CD226: variants seen among roughly 807,000 people sequenced by gnomAD.
CD226 encodes the protein CD226 molecule.
Under a neutral mutation model 34.9 loss-of-function variants are expected in CD226, and 24 were observed. The observed-to-expected ratio is 0.69, with a 90% CI of 0.50 to 0.97. The LOEUF is 0.97. Among genes scored for constraint, CD226 ranks in the 50% least tolerant of loss-of-function variants. The pLI is 0.00. For synonymous variants in CD226, 148 were observed against 147.4 expected (o/e 1.00, Z -0.03); for missense variants, 397 against 412.7 (o/e 0.96, Z 0.33).
At chr18:69,889,425 A>C (rs2145226455) in intron 3 of CD226, among the ~76,000 whole-genome samples, 1 of 152,206 alleles carries the variant, frequency 6.6e-6, no homozygotes, top group Non-Finnish European at 1.5e-5. Context: ...CATGTCCACA[A>C]GCTTTATATC....
chr18:69,936,485 C>A (rs531336230), intron 2 of CD226, among the ~76,000 whole-genome samples: 1 of 152,278 alleles, frequency 6.6e-6, no homozygotes, highest in African/African-American at 2.4e-5. Context: ...TCTTTATATA[C>A]TATTTTATTT....
intron 3 of CD226, among the ~76,000 whole-genome samples, chr18:69,890,916 A>C (rs1322548698): frequency 6.6e-6 from 1 of 152,010 alleles, no homozygotes; most frequent in Non-Finnish European, 1.5e-5. Flanking sequence ...TATCATGTGT[A>C]ATCAATAAAT....
chr18:69,875,396 C>T (rs1983803353), intron 3 of CD226, among the ~76,000 whole-genome samples: 2 of 152,196 alleles, frequency 1.3e-5, no homozygotes, highest in African/African-American at 2.4e-5. Context: ...CCTTGGCCTC[C>T]CAAAGTGCTG....
rs548801176 is a variant in CD226, at chr18:69,865,054, G to A, written c.886-615C>T. On this transcript the variant is annotated intron_variant, in intron 5 of 5. Coordinates refer to ENST00000582621, the MANE Select transcript of CD226 (RefSeq NM_001303618.2). ...GTTGCCCAAGCTGGAGTGCAGTGGC[G>A]CAATCTAGGCTCACTGCAACCCCCA... 6.6e-5 allele frequency among the ~76,000 whole-genome samples: 10 copies of A among 152,140 alleles called. No individual in the cohort carries two copies. The East Asian group carries it at 7.7e-4, about 12-fold the overall frequency.
At chr18:69,941,684 C>T (rs923530540) in intron 2 of CD226, among the ~76,000 whole-genome samples, 1 of 152,144 alleles carries the variant, frequency 6.6e-6, no homozygotes, top group African/African-American at 2.4e-5. Context: ...TTTACAGGCT[C>T]ATAGGCGGAA....
At chr18:69,895,321 G>T (rs1248850948) in intron 3 of CD226, among the ~76,000 whole-genome samples, 2 of 152,150 alleles carry the variant, frequency 1.3e-5, no homozygotes, top group East Asian at 1.9e-4. Context: ...TATTGCTGGG[G>T]TATGTGGGGA....
chr18:69,906,888 C>A (rs1176567201), intron 2 of CD226, among the ~76,000 whole-genome samples: 1 of 152,054 alleles, frequency 6.6e-6, no homozygotes, highest in Non-Finnish European at 1.5e-5. Context: ...CCTCCTGGGA[C>A]CTTTCTGCCT....
rs572754416 is a variant in CD226, at chr18:69,899,713, C to G, written c.383-3668G>C. 5.3e-5 allele frequency among the ~76,000 whole-genome samples: 8 copies of G among 151,806 alleles called. No homozygotes were observed. The East Asian group carries it at 1.5e-3, about 29-fold the overall frequency. ...CACTCATCATTACAGAAAGGCAAAC[C>G]AAAATGACAATGAGACACCATCTCA... On this transcript the variant is annotated intron_variant, in intron 2 of 5. Transcript: ENST00000582621.
chr18:69,884,661 A>T (rs1349601654), intron 3 of CD226, among the ~76,000 whole-genome samples: 1 of 152,190 alleles, frequency 6.6e-6, no homozygotes, highest in African/African-American at 2.4e-5. Flanking sequence ...ACCTCACTCA[A>T]GGTGCAAAAG....
At chr18:69,937,957 T>C (rs1486500134) in intron 2 of CD226, among the ~76,000 whole-genome samples, 1 of 152,162 alleles carries the variant, frequency 6.6e-6, no homozygotes, top group Non-Finnish European at 1.5e-5. Flanking sequence ...CTTTGGCTGC[T>C]ATGTCAGCTG....
chr18:69,928,335 C>G (rs918408528), intron 2 of CD226, among the ~76,000 whole-genome samples: 2 of 152,136 alleles, frequency 1.3e-5, no homozygotes, highest in African/African-American at 4.8e-5. Context: ...CTCCTAAGGG[C>G]AAAGCTCTGT....
intron 2 of CD226, among the ~76,000 whole-genome samples, chr18:69,899,624 A>G (rs1985487858): frequency 6.6e-6 from 1 of 152,358 alleles, no homozygotes; most frequent in East Asian, 1.9e-4. Context: ...AAAGGACACA[A>G]ACAGACACTT....
intron 2 of CD226, among the ~76,000 whole-genome samples, chr18:69,929,449 T>G (rs1188947051): frequency 1.3e-5 from 2 of 152,182 alleles, no homozygotes; most frequent in Admixed American, 1.3e-4. Context: ...CTTTTTAAAT[T>G]ATGTATTAAT....
chr18:69,912,373 A>G (rs1184732210), intron 2 of CD226, among the ~76,000 whole-genome samples: 2 of 152,236 alleles, frequency 1.3e-5, no homozygotes, highest in African/African-American at 4.8e-5. Flanking sequence ...GGAGACATCA[A>G]AATCTGCAAT....
At chr18:69,866,701 A>G (rs977751129) in intron 5 of CD226, among the ~76,000 whole-genome samples, 4 of 152,192 alleles carry the variant, frequency 2.6e-5, no homozygotes, top group African/African-American at 9.7e-5. Context: ...TGTCCTCCTC[A>G]GAACCTCATA....
chr18:69,878,283 C>T (rs1225228878), intron 3 of CD226, among the ~76,000 whole-genome samples: 2 of 118,070 alleles, frequency 1.7e-5, no homozygotes, highest in Non-Finnish European at 3.8e-5. Context: ...AACTGTAAAA[C>T]CATTACCTTA....
intron 3 of CD226, among the ~76,000 whole-genome samples, chr18:69,884,952 C>T (rs182737537): frequency 3.3e-5 from 5 of 152,304 alleles, no homozygotes; most frequent in African/African-American, 1.2e-4. Context: ...TGATTTAGTG[C>T]TTATTCAATA....
chr18:69,945,479 G>C (rs1429022580), intron 2 of CD226, among the ~76,000 whole-genome samples: 2 of 152,092 alleles, frequency 1.3e-5, no homozygotes, highest in Non-Finnish European at 2.9e-5. Context: ...ACACTCCAAG[G>C]GATCATTGGG....
intron 2 of CD226, among the ~76,000 whole-genome samples, chr18:69,904,485 G>T (rs1272954435): frequency 7.2e-5 from 11 of 152,208 alleles, no homozygotes; most frequent in Non-Finnish European, 1.2e-4. Context: ...CCAGAATCTT[G>T]AGATTGGCTC....
Sources: allele counts gnomAD v4.1 joint callset (sites outside exome capture counted in the v4.1 genomes callset), GRCh38; gene constraint gnomAD v4.1.1; transcripts MANE v1.5; gene names NCBI Gene and HGNC (gene_info 2026-07-23, HGNC 2026-07-21).